Variants in SCAPER observed in about 807,000 individuals in gnomAD.
SCAPER encodes S-phase cyclin A associated protein in the ER.
A neutral mutation model predicts 182.2 loss-of-function variants in SCAPER; 98 were observed. That is an observed-to-expected ratio of 0.54 (90% confidence interval 0.46 to 0.64). SCAPER has a LOEUF of 0.64. Among genes scored for constraint, SCAPER ranks in the 30% least tolerant of loss-of-function variants. SCAPER has a pLI of 0.00. For synonymous variants in SCAPER, 605 were observed against 564.6 expected (o/e 1.07, Z -1.01); for missense variants, 1,432 against 1,690.0 (o/e 0.85, Z 2.68).
chr15:76,465,271 C>G (rs928499465), intron 25 of SCAPER, among the ~76,000 whole-genome samples: 3 of 152,038 alleles, frequency 2.0e-5, no homozygotes, highest in Non-Finnish European at 4.4e-5. Context: ...TCATAGAAGG[C>G]GCTTTCCAGC....
At chr15:76,720,273 G>A (rs182473987) in intron 17 of SCAPER, among the ~76,000 whole-genome samples, 3 of 152,040 alleles carry the variant, frequency 2.0e-5, no homozygotes, top group African/African-American at 7.2e-5. Flanking sequence ...ATTTTTTATG[G>A]CTGCATAGTA....
At chr15:76,670,533 CA>C (rs1318653662) in intron 20 of SCAPER, among the ~76,000 whole-genome samples, 1 of 152,044 alleles carries the variant, frequency 6.6e-6, no homozygotes, top group African/African-American at 2.4e-5. Context: ...CCTTTATGAT[CA>C]AATCACAGAA....
At chr15:76,658,773 G>A (rs1009051416) in intron 21 of SCAPER, among the ~76,000 whole-genome samples, 3 of 152,096 alleles carry the variant, frequency 2.0e-5, no homozygotes, top group Non-Finnish European at 4.4e-5. Flanking sequence ...CCGCACACCT[G>A]CAGCCATCTC....
At chr15:76,579,499 G>A (rs180914332) in intron 22 of SCAPER, among the ~76,000 whole-genome samples, 3 of 150,008 alleles carry the variant, frequency 2.0e-5, no homozygotes, top group Admixed American at 1.3e-4. Context: ...TGCAAGCTTC[G>A]TGGTAAACTC....
rs146239746 is a variant in SCAPER, at chr15:76,397,916, G to A, written c.3467+6608C>T. 1.2e-3 allele frequency among the ~76,000 whole-genome samples: 186 copies of A among 152,204 alleles called. 1 individual carries two copies. Among genetic ancestry groups the A allele is most frequent in the African/African-American group, 4.2e-3 (174 of 41,530 alleles). On this transcript the variant is annotated intron_variant, in intron 27 of 31. Transcript: ENST00000563290. ...CCTCTAGTAAAAAGGTTTTAATGAC[G>A]CTATTGCCGTTACCACATCTCAGCA...
At chr15:76,589,593 TGCCCCAGGCTACCA>T (rs1440031574) in intron 22 of SCAPER, among the ~76,000 whole-genome samples, 1 of 152,094 alleles carries the variant, frequency 6.6e-6, no homozygotes, top group Non-Finnish European at 1.5e-5. Context: ...GCTGAGAACA[TGCCCCAGGCTACCA>T]GCCTCCCAGC....
chr15:76,765,528 CT>C (rs1340759021), intron 12 of SCAPER, 34 bp downstream of exon 12: 2 of 1,603,434 alleles, frequency 1.2e-6, no homozygotes, highest in East Asian at 4.5e-5. Context: ...CTTTTGAACA[CT>C]GTACTACACA....
chr15:76,712,131 G>T (rs181789129), intron 17 of SCAPER, among the ~76,000 whole-genome samples: 1 of 152,116 alleles, frequency 6.6e-6, no homozygotes, highest in Non-Finnish European at 1.5e-5. Context: ...GTAAGGAAGG[G>T]ATCCAGTTTC....
At chr15:76,537,980 G>C (rs1175675291) in intron 23 of SCAPER, among the ~76,000 whole-genome samples, 3 of 151,750 alleles carry the variant, frequency 2.0e-5, no homozygotes, top group African/African-American at 4.8e-5. Context: ...CATCATCACT[G>C]GCCATCAGAG....
At chr15:76,649,240 G>A (rs1406918444) in intron 21 of SCAPER, among the ~76,000 whole-genome samples, 2 of 152,138 alleles carry the variant, frequency 1.3e-5, no homozygotes, top group African/African-American at 2.4e-5. Context: ...AGACAATGAC[G>A]TCACTTCAAT....
intron 14 of SCAPER, among the ~76,000 whole-genome samples, chr15:76,762,530 T>G (rs1398217771): frequency 6.6e-6 from 1 of 152,182 alleles, no homozygotes; most frequent in Non-Finnish European, 1.5e-5. Flanking sequence ...TCTGCACTTT[T>G]ACCTACCATT....
chr15:76,702,090 GA>G (rs1373775791), intron 19 of SCAPER, among the ~76,000 whole-genome samples: 1 of 152,104 alleles, frequency 6.6e-6, no homozygotes, highest in East Asian at 1.9e-4. Context: ...CGGAACCTGG[GA>G]GGCGGAGGTT....
chr15:76,465,556 C>T (rs12101929), intron 25 of SCAPER, among the ~76,000 whole-genome samples: 7,679 of 152,122 alleles, frequency 0.05, 586 homozygotes, highest in African/African-American at 0.16. Flanking sequence ...GACTCTGATG[C>T]GGAAGCTTTT....
At chr15:76,429,904 C>T (rs980004585) in intron 26 of SCAPER, among the ~76,000 whole-genome samples, 2 of 152,158 alleles carry the variant, frequency 1.3e-5, no homozygotes, top group African/African-American at 2.4e-5. Context: ...GGCAGCCCCT[C>T]CCATCACAGA....
Position 76,596,535 on chromosome 15 carries a change from C to A in SCAPER, c.2712-22251G>T, listed in dbSNP as rs1377119358. On this transcript the variant is annotated intron_variant, in intron 22 of 31. Coordinates refer to ENST00000563290, the MANE Select transcript of SCAPER (RefSeq NM_020843.4). Reference sequence around the variant, plus strand: ...AAAAAAGAAAATTTCAGGCCAATATCCCTGTTGAACACCGATGTGAAAATC... The same window carrying A: ...AAAAAAGAAAATTTCAGGCCAATATACCTGTTGAACACCGATGTGAAAATC... Among the ~76,000 whole-genome samples, 2 of 120,800 alleles carry A rather than the reference C, an allele frequency of 1.7e-5. 1 individual carries two copies. The highest frequency in any genetic ancestry group is 4.0e-5 in the Non-Finnish European group (2 of 49,752). 79.2% of individuals were successfully genotyped at this position (120,800 alleles called of 152,430 possible). A position where few individuals can be genotyped will look rare whatever the true frequency, so the allele number is the denominator to read the frequency against.
chr15:76,768,458 T>C (rs1020828222), intron 10 of SCAPER, among the ~76,000 whole-genome samples: 1 of 152,188 alleles, frequency 6.6e-6, no homozygotes, highest in Non-Finnish European at 1.5e-5. Context: ...ACATATTGCA[T>C]TTCATTTCTA....
intron 26 of SCAPER, among the ~76,000 whole-genome samples, chr15:76,408,404 A>C (rs2045024049): frequency 6.6e-6 from 1 of 152,082 alleles, no homozygotes; most frequent in Non-Finnish European, 1.5e-5. Flanking sequence ...CTACCAGTGG[A>C]ATGTTTTTGC....
At chr15:76,699,451 TG>T (rs2058816318) in intron 20 of SCAPER, among the ~76,000 whole-genome samples, 1 of 152,186 alleles carries the variant, frequency 6.6e-6, no homozygotes, top group East Asian at 1.9e-4. Context: ...ATTCTTAGTT[TG>T]TTGAGGGTTT....
intron 27 of SCAPER, among the ~76,000 whole-genome samples, chr15:76,395,255 A>C (rs2043972883): frequency 6.6e-6 from 1 of 152,152 alleles, no homozygotes; most frequent in African/African-American, 2.4e-5. Context: ...CTCCTGATGG[A>C]CACTTAGGCT....
Sources: allele counts gnomAD v4.1 joint callset (sites outside exome capture counted in the v4.1 genomes callset), GRCh38; gene constraint gnomAD v4.1.1; transcripts MANE v1.5; gene names NCBI Gene and HGNC (gene_info 2026-07-23, HGNC 2026-07-21).